Variants in CCDC102B observed in about 807,000 individuals in gnomAD.
The protein encoded by CCDC102B is coiled-coil domain containing 102B.
In CCDC102B, 75 loss-of-function variants were observed where a neutral mutation model predicts 57.4. The observed-to-expected ratio is 1.31, with a 90% confidence interval of 1.08 to 1.58. The LOEUF (loss-of-function observed/expected upper bound fraction) is 1.58, where lower values mean the gene tolerates loss of function less well. Among genes scored for constraint, CCDC102B ranks in the 40% most tolerant of loss-of-function variants. The pLI, the probability that CCDC102B is intolerant of heterozygous loss-of-function variation, is 0.00. For missense variants in CCDC102B, 636 were observed against 582.6 expected, an observed-to-expected ratio of 1.09 and a Z score of -0.94; for synonymous variants, 206 against 201.9, an observed-to-expected ratio of 1.02 and a Z score of -0.17.
At chr18:68,858,176 G>A (rs948538894) in intron 4 of CCDC102B, among the ~76,000 whole-genome samples, 20 of 152,174 alleles carry the variant, frequency 1.3e-4, no homozygotes, top group African/African-American at 4.8e-4. Flanking sequence ...TGTCACCATA[G>A]ATTAGTTTGC....
chr18:69,007,540 G>A (rs1053875623), intron 6 of CCDC102B, among the ~76,000 whole-genome samples: 1 of 152,052 alleles, frequency 6.6e-6, no homozygotes, highest in Admixed American at 6.6e-5. Flanking sequence ...ATTAGAATTG[G>A]CTTATACCAA....
chr18:68,872,386 G>C (rs1215467806), intron 4 of CCDC102B, among the ~76,000 whole-genome samples: 2 of 152,014 alleles, frequency 1.3e-5, no homozygotes, highest in Non-Finnish European at 2.9e-5. Flanking sequence ...GTACACTCCA[G>C]TATTAAACTC....
At chr18:68,727,844 A>G (rs768209474) in intron 2 of CCDC102B, among the ~76,000 whole-genome samples, 12 of 152,220 alleles carry the variant, frequency 7.9e-5, no homozygotes, top group Non-Finnish European at 1.0e-4. Context: ...ATTGACACAA[A>G]TAAAATCCCA....
chr18:68,716,646 T>C (rs896429468), intron 2 of CCDC102B: 1 of 152,192 alleles, frequency 6.6e-6, no homozygotes, highest in South Asian at 2.1e-4. Flanking sequence ...TAAATACTGA[T>C]CAAGTCCCAG....
intron 6 of CCDC102B, among the ~76,000 whole-genome samples, chr18:68,947,867 T>C (rs957959808): frequency 2.0e-5 from 3 of 152,138 alleles, no homozygotes; most frequent in African/African-American, 4.8e-5. Flanking sequence ...ATTTTTAATA[T>C]GAAATGTTTG....
intron 5 of CCDC102B, among the ~76,000 whole-genome samples, chr18:68,890,716 G>A (rs964327535): frequency 6.6e-6 from 1 of 151,996 alleles, no homozygotes; most frequent in Non-Finnish European, 1.5e-5. Context: ...ATTCTATTGT[G>A]TCGGCCTTGT....
At chr18:68,904,796 T>C (rs1206232766) in intron 6 of CCDC102B, among the ~76,000 whole-genome samples, 1 of 152,186 alleles carries the variant, frequency 6.6e-6, no homozygotes, top group Non-Finnish European at 1.5e-5. Flanking sequence ...CTTAAGTGGA[T>C]AAGGTTTTGC....
chr18:68,815,070 A>G (rs1035621028), intron 1 of CCDC102B, among the ~76,000 whole-genome samples: 13 of 152,150 alleles, frequency 8.5e-5, no homozygotes, highest in African/African-American at 2.9e-4. Context: ...GATATTTTAT[A>G]TATTTCATGT....
At chr18:68,751,580 G>T (rs762061944) in intron 2 of CCDC102B, among the ~76,000 whole-genome samples, 1 of 152,164 alleles carries the variant, frequency 6.6e-6, no homozygotes, top group Non-Finnish European at 1.5e-5. Context: ...GCATCACCTT[G>T]TTTGACCTCA....
chr18:68,857,129 T>A (rs1362297157), intron 4 of CCDC102B, among the ~76,000 whole-genome samples: 1 of 58,674 alleles, frequency 1.7e-5, no homozygotes, highest in Non-Finnish European at 2.8e-5. Context: ...ATTTATATAT[T>A]TTTATATATT....
intron 2 of CCDC102B, among the ~76,000 whole-genome samples, chr18:68,732,358 T>C (rs545204367): frequency 2.6e-5 from 4 of 151,562 alleles, no homozygotes; most frequent in African/African-American, 9.7e-5. Flanking sequence ...TCTCTCTCTC[T>C]TTTTTGGGAT....
intron 2 of CCDC102B, among the ~76,000 whole-genome samples, chr18:68,780,870 T>C (rs530666277): frequency 3.2e-4 from 48 of 152,170 alleles, no homozygotes; most frequent in Non-Finnish European, 5.3e-4. Flanking sequence ...GAAATCAGTG[T>C]CAGAACAATA....
intron 7 of CCDC102B, among the ~76,000 whole-genome samples, chr18:69,018,355 G>C (rs1024117906): frequency 2.0e-5 from 3 of 152,124 alleles, no homozygotes; most frequent in African/African-American, 7.2e-5. Flanking sequence ...CCCTCATACT[G>C]TTCTCCATAA....
chr18:68,811,693 C>T (rs902264478), intron 1 of CCDC102B, among the ~76,000 whole-genome samples: 3 of 151,960 alleles, frequency 2.0e-5, no homozygotes, highest in Admixed American at 2.0e-4. Flanking sequence ...AGGGAGTTTT[C>T]AACAAGATAG....
At chr18:68,868,429 T>A (rs982438916) in intron 4 of CCDC102B, among the ~76,000 whole-genome samples, 3 of 152,186 alleles carry the variant, frequency 2.0e-5, no homozygotes, top group African/African-American at 7.2e-5. Flanking sequence ...TTTGGCTAAA[T>A]TTTTTGAAGC....
At chr18:69,017,552 T>C (rs946142649) in intron 7 of CCDC102B, among the ~76,000 whole-genome samples, 11 of 152,200 alleles carry the variant, frequency 7.2e-5, no homozygotes, top group Admixed American at 6.5e-4. Context: ...ATTATACATA[T>C]ATTTAATGTG....
intron 1 of CCDC102B, among the ~76,000 whole-genome samples, chr18:68,815,779 A>AT (rs1185286880): frequency 2.0e-5 from 3 of 151,904 alleles, no homozygotes; most frequent in Non-Finnish European, 2.9e-5. Context: ...AGATGTATGT[A>AT]TTTTTTTAAA....
chr18:68,949,898 T>A (rs1358023205), intron 6 of CCDC102B, among the ~76,000 whole-genome samples: 2 of 152,178 alleles, frequency 1.3e-5, no homozygotes, highest in Non-Finnish European at 2.9e-5. Flanking sequence ...ACATGTTTTA[T>A]ATTAAATACT....
At chr18:68,828,555 A>G (rs73460012) in intron 1 of CCDC102B, among the ~76,000 whole-genome samples, 3,403 of 151,770 alleles carry the variant, frequency 0.022, 102 homozygotes, top group African/African-American at 0.064. Flanking sequence ...GAAAATGCTA[A>G]TGTCAAATAT....
Sources: gnomAD v4.1 joint callset for allele counts (sites outside exome capture counted in the v4.1 genomes callset) on GRCh38, gnomAD v4.1.1 for gene constraint, MANE v1.5 for transcripts, NCBI Gene and HGNC (gene_info 2026-07-23, HGNC 2026-07-21) for gene names.